Variants in KDM2B observed in about 807,000 individuals in gnomAD.
KDM2B encodes the protein lysine-specific demethylase 2B.
A neutral mutation model predicts 150.0 loss-of-function variants in KDM2B; 26 were observed. The observed-to-expected ratio is 0.17, with a 90% confidence interval of 0.13 to 0.24. KDM2B has a LOEUF of 0.24. Among genes scored for constraint, KDM2B ranks in the 10% least tolerant of loss-of-function variants. The pLI, the probability that KDM2B is intolerant of heterozygous loss-of-function variation, is 1.00. For synonymous variants in KDM2B, 734 were observed against 729.5 expected, an observed-to-expected ratio of 1.01 and a Z score of -0.10; for missense variants, 1,265 against 1,816.9, an observed-to-expected ratio of 0.70 and a Z score of 5.52.
intron 12 of KDM2B, among the ~76,000 whole-genome samples, chr12:121,460,667 C>T (rs1217502660): frequency 6.6e-6 from 1 of 152,184 alleles, no homozygotes; most frequent in Non-Finnish European, 1.5e-5. Context: ...CTTGGCCTCC[C>T]AAAGTGCTAG....
chr12:121,579,960 A>AT, intron 1 of KDM2B: 2 of 1,453,274 alleles, frequency 1.4e-6, no homozygotes, highest in Non-Finnish European at 1.8e-6. Context: ...AAAAAAAAAA[A>AT]GATCTATCAT....
At chr12:121,569,325 G>A (rs1387827832) in intron 4 of KDM2B, among the ~76,000 whole-genome samples, 1 of 152,206 alleles carries the variant, frequency 6.6e-6, no homozygotes, top group Non-Finnish European at 1.5e-5. Context: ...GAGGTTTTGG[G>A]AAGGACCCTG....
chr12:121,412,906 G>A, the KDM2B span, among the ~76,000 whole-genome samples: 79 of 151,412 alleles, frequency 5.2e-4, 1 homozygote, highest in African/African-American at 1.8e-3. Flanking sequence ...TAGTAGAGAC[G>A]GGGTTTCACC....
chr12:121,462,959 AGG>A, intron 12 of KDM2B, among the ~76,000 whole-genome samples: 1 of 150,098 alleles, frequency 6.7e-6, no homozygotes, highest in East Asian at 2.0e-4. Flanking sequence ...AAAATTAGCC[AGG>A]TGTGATGGCA....
chr12:121,409,467 A>C, the KDM2B span: 122 of 152,358 alleles, frequency 8.0e-4, no homozygotes, highest in African/African-American at 2.6e-3. Flanking sequence ...GAATTTGTGG[A>C]GGGTGATGTC....
chr12:121,506,708 C>T lies in KDM2B; in HGVS notation c.1647+2859G>A, dbSNP rs542027683. Among the ~76,000 whole-genome samples, 157 of 152,112 alleles carry T rather than the reference C, an allele frequency of 1.0e-3. No homozygotes were observed. The South Asian group carries it at 0.012, about 12-fold the overall frequency. On this transcript the variant is annotated intron_variant, in intron 11 of 22. Transcript: ENST00000377071. ...ATCCCAGCACTTTGGGAGGCCGAGG[C>T]GGGCGAATCACCTGAGGTAGGGAGT...
At chr12:121,555,970 A>G (rs1293078962) in intron 4 of KDM2B, among the ~76,000 whole-genome samples, 3 of 151,048 alleles carry the variant, frequency 2.0e-5, no homozygotes, top group African/African-American at 7.3e-5. Context: ...TCTCTCACCT[A>G]CACTGGAGTA....
intron 1 of KDM2B, 26 bp from the exon 2 acceptor site, chr12:121,578,972 C>T (rs781908521): frequency 2.9e-5 from 47 of 1,604,960 alleles, no homozygotes; most frequent in Non-Finnish European, 3.8e-5. Context: ...CCAGAGAGCC[C>T]GGGACATTAT....
rs782512828 is a variant in KDM2B at position 121,494,607 on chromosome 12, A to G, written c.1706T>C (p.Val569Ala). ...TGGAGTCTTCTTTGGCCAAGTCACCACAGGGACCCCAGTGATGGCCAGACT... is the reference window on the plus strand; with the variant it reads ...TGGAGTCTTCTTTGGCCAAGTCACCGCAGGGACCCCAGTGATGGCCAGACT... ...DPSLAITGVP[V>A]VTWPKKTPKN... Residue 569 changes from valine (V) to alanine (A), a missense_variant, in exon 12 of 23, where the codon GTG becomes GCG. Physicochemically the swap from Val to Ala is moderately conservative, Grantham distance 64. Transcript: ENST00000377071. 6.2e-7 allele frequency: 1 copy of G among 1,613,640 alleles called. No individual in the cohort carries two copies. The highest frequency in any genetic ancestry group is 8.5e-7 in the Non-Finnish European group (1 of 1,179,850).
At chr12:121,529,450 G>A (rs1887441472) in intron 8 of KDM2B, among the ~76,000 whole-genome samples, 2 of 152,106 alleles carry the variant, frequency 1.3e-5, no homozygotes, top group South Asian at 4.1e-4. Context: ...GGAAATGCCA[G>A]AATTCAATTC....
At chr12:121,541,395 C>CAA (rs59029432) in intron 6 of KDM2B, among the ~76,000 whole-genome samples, 928 of 28,736 alleles carry the variant, frequency 0.032, 56 homozygotes, top group African/African-American at 0.07. Context: ...GCCCCTGTCT[C>CAA]AAAAAAAAAA....
At chr12:121,455,757 A>G (rs1277676272) in intron 12 of KDM2B, among the ~76,000 whole-genome samples, 2 of 152,220 alleles carry the variant, frequency 1.3e-5, no homozygotes, top group African/African-American at 4.8e-5. Flanking sequence ...GATGCCCCCA[A>G]CATACTCGCA....
At chr12:121,421,388 A>AC in the KDM2B span, among the ~76,000 whole-genome samples, 34 of 150,030 alleles carry the variant, frequency 2.3e-4, no homozygotes, top group Admixed American at 1.7e-3. Context: ...AAAAAAAAAA[A>AC]AAAAAAAAAA....
At chr12:121,434,590 A>G (rs1873654858) in intron 22 of KDM2B, among the ~76,000 whole-genome samples, 1 of 152,162 alleles carries the variant, frequency 6.6e-6, no homozygotes, top group Non-Finnish European at 1.5e-5. Flanking sequence ...TGCTGCCAAC[A>G]GCATTCAATG....
chr12:121,523,143 C>T (rs973159655), intron 8 of KDM2B, among the ~76,000 whole-genome samples: 6 of 152,246 alleles, frequency 3.9e-5, no homozygotes, highest in Non-Finnish European at 8.8e-5. Flanking sequence ...AAGCCACTTG[C>T]TGAATGAGTC....
intron 12 of KDM2B, among the ~76,000 whole-genome samples, chr12:121,492,115 A>G (rs540626264): frequency 6.6e-6 from 1 of 152,170 alleles, no homozygotes; most frequent in African/African-American, 2.4e-5. Flanking sequence ...CTATGATTGC[A>G]CCACTGCACT....
At chr12:121,425,958 G>A (rs534422914), downstream of KDM2B, among the ~76,000 whole-genome samples, 4 of 151,932 alleles carry the variant, frequency 2.6e-5, no homozygotes, top group African/African-American at 7.2e-5. Context: ...TAGTAGAGAC[G>A]GGGTTTCACT....
intron 12 of KDM2B, among the ~76,000 whole-genome samples, chr12:121,476,617 GAGAT>G (rs782123400): frequency 3.9e-4 from 60 of 152,244 alleles, no homozygotes; most frequent in Middle Eastern, 3.4e-3. Flanking sequence ...CTGAAACAAA[GAGAT>G]AGTTCAATCA....
intron 12 of KDM2B, among the ~76,000 whole-genome samples, chr12:121,486,630 T>C (rs781996741): frequency 1.3e-5 from 2 of 151,832 alleles, no homozygotes; most frequent in Non-Finnish European, 2.9e-5. Flanking sequence ...CTACTAAAAA[T>C]ACAAAATTAG....
Sources: allele counts gnomAD v4.1 joint callset (sites outside exome capture counted in the v4.1 genomes callset), GRCh38; gene constraint gnomAD v4.1.1; transcripts MANE v1.5; gene names NCBI Gene and HGNC (gene_info 2026-07-23, HGNC 2026-07-21).